Variants in CNTN5 observed in about 807,000 individuals in gnomAD.
CNTN5 encodes the protein contactin-5.
Under a neutral mutation model 129.1 loss-of-function variants are expected in CNTN5, and 77 were observed. That is an observed-to-expected ratio of 0.60 (90% CI 0.50 to 0.72). CNTN5 has a LOEUF of 0.72. Ranked by LOEUF, CNTN5 falls within the 30% of genes least tolerant of loss-of-function variation. The probability of loss-of-function intolerance (pLI) is 0.00; values close to 1 mark genes in which losing one functional copy is unlikely to be tolerated. For synonymous variants in CNTN5, 509 were observed against 465.6 expected, an observed-to-expected ratio of 1.09 and a Z score of -1.20; for missense variants, 1,478 against 1,328.8, an observed-to-expected ratio of 1.11 and a Z score of -1.75.
intron 3 of CNTN5, among the ~76,000 whole-genome samples, chr11:99,727,630 T>G (rs910523554): frequency 8.6e-5 from 13 of 151,954 alleles, no homozygotes; most frequent in African/African-American, 2.9e-4. Context: ...GGAAGGAAAT[T>G]ACACATTTTT....
At chr11:99,417,740 AT>A (rs1229382870) in intron 2 of CNTN5, among the ~76,000 whole-genome samples, 5 of 152,090 alleles carry the variant, frequency 3.3e-5, no homozygotes, top group African/African-American at 1.2e-4. Flanking sequence ...CACAAGTAGG[AT>A]TTTTATTTAT....
intron 8 of CNTN5, among the ~76,000 whole-genome samples, chr11:99,999,195 A>C (rs1939679797): frequency 6.6e-6 from 1 of 152,176 alleles, no homozygotes; most frequent in Non-Finnish European, 1.5e-5. Context: ...ACAGCAAAAG[A>C]AACTACCATC....
intron 3 of CNTN5, among the ~76,000 whole-genome samples, chr11:99,755,250 A>C (rs948495404): frequency 6.6e-6 from 1 of 152,198 alleles, no homozygotes; most frequent in Non-Finnish European, 1.5e-5. Flanking sequence ...CAAGGAGTGC[A>C]ATTGTTGAAT....
At chr11:100,283,415 A>C (rs539314359) in intron 18 of CNTN5, among the ~76,000 whole-genome samples, 4 of 151,558 alleles carry the variant, frequency 2.6e-5, no homozygotes, top group African/African-American at 9.7e-5. Context: ...TGGCATCAAC[A>C]CTCCCCTAGC....
chr11:99,273,462 G>C (rs1275202265), intron 1 of CNTN5, among the ~76,000 whole-genome samples: 2 of 151,728 alleles, frequency 1.3e-5, no homozygotes, highest in African/African-American at 4.8e-5. Context: ...GAAATGAAAA[G>C]TACTGATTTA....
chr11:100,320,939 A>C (rs1016720725), intron 21 of CNTN5, among the ~76,000 whole-genome samples: 1 of 152,126 alleles, frequency 6.6e-6, no homozygotes, highest in African/African-American at 2.4e-5. Context: ...TACCAATAGC[A>C]TGCTGTTTTT....
At chr11:100,061,163 T>A in intron 9 of CNTN5, 49 bp from the exon 10 acceptor site, 1 of 1,431,726 alleles carries the variant, frequency 7.0e-7, no homozygotes, top group African/African-American at 1.4e-5. Flanking sequence ...AGAATCTATG[T>A]TCCTAACAGT....
intron 1 of CNTN5, among the ~76,000 whole-genome samples, chr11:99,211,966 A>G (rs750069142): frequency 7.2e-5 from 11 of 152,200 alleles, no homozygotes; most frequent in Non-Finnish European, 1.3e-4. Context: ...ATACTTTTTA[A>G]ATGTGTTACA....
intron 8 of CNTN5, among the ~76,000 whole-genome samples, chr11:99,961,206 G>GAAA (rs769692454): frequency 0.26 from 24,759 of 94,930 alleles, 4,154 homozygotes; most frequent in African/African-American, 0.37. Flanking sequence ...CTCCGTCTCA[G>GAAA]AAAAAAAAAA....
At chr11:99,412,570 A>G (rs1464513415) in intron 2 of CNTN5, among the ~76,000 whole-genome samples, 3 of 152,188 alleles carry the variant, frequency 2.0e-5, no homozygotes, top group Non-Finnish European at 4.4e-5. Flanking sequence ...CTACTCTGTT[A>G]ATAATTGTTG....
Position 100,143,415 on chromosome 11 carries a change from A to G in CNTN5, c.1581-47711A>G, listed in dbSNP as rs530276194. Among the ~76,000 whole-genome samples, 6 of 152,272 alleles carry G rather than the reference A, an allele frequency of 3.9e-5. No homozygotes were observed. The South Asian group carries it at 1.2e-3, about 32-fold the overall frequency. On this transcript the variant is annotated intron_variant, in intron 13 of 24. Transcript: ENST00000524871. ...TCCTACTAGTCAACTCTAGCCATTG[A>G]CAAACATGAACTAAACTCAGAAAAA...
At chr11:100,081,464 T>G (rs904452874) in intron 13 of CNTN5, among the ~76,000 whole-genome samples, 1 of 152,162 alleles carries the variant, frequency 6.6e-6, no homozygotes, top group African/African-American at 2.4e-5. Context: ...TGCATCTTAC[T>G]ACAGAAGCTG....
chr11:99,214,894 GCTTGAGTATTTCAAGTGATA>G (rs1386896779), intron 1 of CNTN5, among the ~76,000 whole-genome samples: 2 of 151,998 alleles, frequency 1.3e-5, no homozygotes, highest in African/African-American at 4.8e-5. Flanking sequence ...TCTTTATTAT[GCTTGAGTATTTCAAGTGATA>G]CTCAAGTAGT....
intron 3 of CNTN5, among the ~76,000 whole-genome samples, chr11:99,563,451 A>G (rs1233015419): frequency 6.6e-6 from 1 of 152,202 alleles, no homozygotes; most frequent in Non-Finnish European, 1.5e-5. Flanking sequence ...AGGCTGGAGA[A>G]ACTGTTTATG....
intron 15 of CNTN5, among the ~76,000 whole-genome samples, chr11:100,217,817 G>T (rs1949174121): frequency 6.6e-6 from 1 of 152,150 alleles, no homozygotes; most frequent in South Asian, 2.1e-4. Context: ...TCAAGAGAAA[G>T]TTGATCCATC....
intron 13 of CNTN5, among the ~76,000 whole-genome samples, chr11:100,140,840 G>C (rs1350606434): frequency 6.6e-6 from 1 of 152,164 alleles, no homozygotes; most frequent in Non-Finnish European, 1.5e-5. Context: ...GTGTCAGTTG[G>C]GGCTATGACC....
rs552151669 is a variant in CNTN5 at position 99,112,252 on chromosome 11, G to A, written c.-210+90982G>A. Among the ~76,000 whole-genome samples the A allele has an allele frequency of 2.0e-4, 30 of 151,974 alleles. 1 individual carries two copies. Among genetic ancestry groups the A allele is most frequent in the African/African-American group, 6.0e-4 (25 of 41,518 alleles). ...TTATTTCGATAAAAATGTAATAAAC[G>A]TCTATTATACACACAGGGTCTCCAA... On this transcript the variant is annotated intron_variant, in intron 1 of 24. Coordinates refer to ENST00000524871, the MANE Select transcript of CNTN5 (RefSeq NM_014361.4).
chr11:100,228,705 C>T (rs1949430877), intron 16 of CNTN5, among the ~76,000 whole-genome samples: 1 of 152,156 alleles, frequency 6.6e-6, no homozygotes, highest in Non-Finnish European at 1.5e-5. Context: ...GAAGTCGGCA[C>T]TCAGAGTGGA....
chr11:99,891,611 G>A (rs1302172305), intron 6 of CNTN5, among the ~76,000 whole-genome samples: 1 of 152,054 alleles, frequency 6.6e-6, no homozygotes, highest in Non-Finnish European at 1.5e-5. Context: ...TTAGTTTGCT[G>A]AGAATGATGG....
Sources: allele counts gnomAD v4.1 joint callset (sites outside exome capture counted in the v4.1 genomes callset), GRCh38; gene constraint gnomAD v4.1.1; transcripts MANE v1.5; gene names NCBI Gene and HGNC (gene_info 2026-07-23, HGNC 2026-07-21).